NDST4: variants seen among roughly 807,000 people sequenced by gnomAD.
The protein encoded by NDST4 is N-heparan sulfate sulfotransferase 4.
Under a neutral mutation model 100.8 loss-of-function variants are expected in NDST4, and 63 were observed. That is an observed-to-expected ratio of 0.62 (90% CI 0.51 to 0.77). NDST4 has a LOEUF of 0.77. Among genes scored for constraint, NDST4 ranks in the 30% least tolerant of loss-of-function variants. NDST4 has a pLI of 0.00. For synonymous variants in NDST4, 377 were observed against 361.8 expected, an observed-to-expected ratio of 1.04 and a Z score of -0.48; for missense variants, 943 against 1,018.4, an observed-to-expected ratio of 0.93 and a Z score of 1.01.
rs1729206478 is a variant in NDST4, at chr4:115,077,150, C to T, written c.-114G>A. 15 of 997,906 alleles carry T rather than the reference C, an allele frequency of 1.5e-5. No homozygotes were observed. In the East Asian group the frequency reaches 3.9e-4, roughly 26 times the overall value. The allele number at this position is 997,906 out of a possible 1,614,324, so 61.8% of individuals were successfully genotyped here. Reference sequence around the variant, plus strand: ...TTCCCCAGAGTTCATGTAACCATCGCAAATCATGTAAAATGTTTGAAGGGA... The same window carrying T: ...TTCCCCAGAGTTCATGTAACCATCGTAAATCATGTAAAATGTTTGAAGGGA... On this transcript the variant is annotated 5_prime_UTR_variant, in exon 2 of 14. Coordinates refer to ENST00000264363, the MANE Select transcript of NDST4 (RefSeq NM_022569.3).
intron 10 of NDST4, among the ~76,000 whole-genome samples, chr4:114,841,871 C>T (rs1723434243): frequency 6.6e-6 from 1 of 152,048 alleles, no homozygotes; most frequent in Non-Finnish European, 1.5e-5. Context: ...AACTACTCGA[C>T]CTCCAGTTTG....
chr4:114,911,395 G>T (rs1278296636), intron 6 of NDST4, among the ~76,000 whole-genome samples: 1 of 152,076 alleles, frequency 6.6e-6, no homozygotes, highest in Non-Finnish European at 1.5e-5. Context: ...TTAGCTGTCT[G>T]CCAAACATTA....
chr4:114,860,341 T>C (rs1723892025), intron 7 of NDST4, among the ~76,000 whole-genome samples: 1 of 152,212 alleles, frequency 6.6e-6, no homozygotes, highest in African/African-American at 2.4e-5. Context: ...AACTATCTAT[T>C]CTTCACTTCT....
In NDST4 at chr4:115,076,472, C is replaced by G. The variant is rs776143732; in HGVS notation, c.565G>C (p.Ala189Pro). The G allele has an allele frequency of 1.9e-6, 3 of 1,613,764 alleles. No homozygotes were observed. Among genetic ancestry groups the G allele is most frequent in the African/African-American group, 1.3e-5 (1 of 74,882 alleles). ...GFPLNLFNNL[A>P]LKDCFVNPQS... ...GGGTTAACAAAACAGTCCTTTAGAG[C>G]TAGATTATTGAAAAGGTTTAACGGA... The change falls in exon 2 of 14, where the codon GCT becomes CCT. Residue 189 changes from alanine (A) to proline (P), a missense_variant. Ala to Pro is a conservative substitution (Grantham distance 27, BLOSUM62 -1). Around this residue, in one of 2 missense-constraint regions of NDST4, gnomAD observed 417 missense variants for 384.2 expected, o/e 1.09. Transcript: ENST00000264363.
chr4:115,101,571 T>C (rs1046766365), intron 1 of NDST4, among the ~76,000 whole-genome samples: 70 of 152,172 alleles, frequency 4.6e-4, no homozygotes, highest in African/African-American at 1.5e-3. Context: ...ATATTTGTGA[T>C]AAAAGCTGAA....
At chr4:115,064,077 T>C (rs537774691) in intron 2 of NDST4, among the ~76,000 whole-genome samples, 1 of 152,134 alleles carries the variant, frequency 6.6e-6, no homozygotes, top group Admixed American at 6.6e-5. Context: ...ATTTAGGCAA[T>C]GTCCAATTTT....
In NDST4 at chr4:114,845,888, C is replaced by A; in HGVS notation, c.2050G>T (p.Val684Phe). The change falls in exon 10 of 14, where the codon GTC becomes TTC. Residue 684 changes from valine to phenylalanine, a missense_variant. By Grantham distance (50) the Val-to-Phe change is conservative (BLOSUM62 -1). Coordinates refer to ENST00000264363, the MANE Select transcript of NDST4 (RefSeq NM_022569.3). ...EEAPRRAASL[V>F]PKAKIITILI... ...ATGGTGATGATCTTGGCTTTGGGGACAAGAGATGCGGCTCGTCTTGGAGCT... is the reference window on the plus strand; with the variant it reads ...ATGGTGATGATCTTGGCTTTGGGGAAAAGAGATGCGGCTCGTCTTGGAGCT... 6.2e-7 allele frequency: 1 copy of A among 1,613,986 alleles called. No homozygotes were observed. Among genetic ancestry groups the A allele is most frequent in the South Asian group, 1.1e-5 (1 of 91,078 alleles).
intron 4 of NDST4, among the ~76,000 whole-genome samples, chr4:114,967,326 A>T (rs1388181101): frequency 1.3e-5 from 2 of 152,102 alleles, no homozygotes; most frequent in Non-Finnish European, 2.9e-5. Context: ...AAAATACAAT[A>T]AGATTTTTTA....
intron 9 of NDST4, among the ~76,000 whole-genome samples, chr4:114,847,049 C>T (rs1723564548): frequency 6.6e-6 from 1 of 152,070 alleles, no homozygotes; most frequent in African/African-American, 2.4e-5. Context: ...GGTGTTGCAC[C>T]TGCCCAACCC....
At chr4:115,059,950 C>T (rs1728783749) in intron 2 of NDST4, among the ~76,000 whole-genome samples, 1 of 151,756 alleles carries the variant, frequency 6.6e-6, no homozygotes, top group African/African-American at 2.4e-5. Context: ...AGGATTATTC[C>T]CACTAAACCT....
chr4:115,015,488 C>A (rs1055649298), intron 2 of NDST4, among the ~76,000 whole-genome samples: 2 of 151,812 alleles, frequency 1.3e-5, no homozygotes, highest in African/African-American at 4.8e-5. Flanking sequence ...TGGTCTGTGG[C>A]CAATGGTGTT....
chr4:115,020,589 A>C (rs1295891202), intron 2 of NDST4, among the ~76,000 whole-genome samples: 2 of 152,158 alleles, frequency 1.3e-5, no homozygotes, highest in Admixed American at 1.3e-4. Flanking sequence ...TTTGCATGGC[A>C]GGAGGAACAG....
chr4:114,883,496 T>G (rs2126202532), intron 6 of NDST4, among the ~76,000 whole-genome samples: 1 of 152,224 alleles, frequency 6.6e-6, no homozygotes, highest in South Asian at 2.1e-4. Context: ...TGGAATTCTA[T>G]GCAATGTTCA....
At position 115,096,916 on chromosome 4, in the gene NDST4, T is replaced by A. The variant is rs58525957; in HGVS notation, c.-247+16528A>T. 3.0e-3 allele frequency among the ~76,000 whole-genome samples: 464 copies of A among 152,182 alleles called. 1 individual carries two copies. The highest frequency in any genetic ancestry group is 0.011 in the African/African-American group (450 of 41,550). On this transcript the variant is annotated intron_variant, in intron 1 of 13. Coordinates refer to ENST00000264363, the MANE Select transcript of NDST4 (RefSeq NM_022569.3). The stretch of plus-strand genomic sequence containing the variant: ...CACCAATAAACTTCACGTTGTAAAA[T>A]CCATTTATCAATTTTTGCTCCTCAT...
At chr4:115,047,644 G>A (rs1212038160) in intron 2 of NDST4, among the ~76,000 whole-genome samples, 2 of 151,922 alleles carry the variant, frequency 1.3e-5, no homozygotes, top group Non-Finnish European at 2.9e-5. Context: ...TAATAATGAG[G>A]ATGGCCTTTG....
intron 2 of NDST4, among the ~76,000 whole-genome samples, chr4:115,012,304 G>A (rs945703610): frequency 6.6e-6 from 1 of 151,850 alleles, no homozygotes; most frequent in African/African-American, 2.4e-5. Context: ...TGATATATGG[G>A]AGCTTTCATT....
intron 2 of NDST4, among the ~76,000 whole-genome samples, chr4:115,029,351 G>A (rs187304752): frequency 1.1e-4 from 16 of 152,184 alleles, no homozygotes; most frequent in African/African-American, 3.8e-4. Context: ...TGGGATTGTG[G>A]CACAGGTTAA....
At chr4:115,108,440 CT>C (rs1161690175) in intron 1 of NDST4, among the ~76,000 whole-genome samples, 1 of 151,946 alleles carries the variant, frequency 6.6e-6, no homozygotes, top group African/African-American at 2.4e-5. Flanking sequence ...TCCCTTCTCT[CT>C]TTTTCTTCCA....
At chr4:114,957,113 CAAAT>C (rs1401414540) in intron 4 of NDST4, among the ~76,000 whole-genome samples, 1 of 152,000 alleles carries the variant, frequency 6.6e-6, no homozygotes, top group Non-Finnish European at 1.5e-5. Context: ...AATAAAGAGT[CAAAT>C]AAAAATTCTA....
Sources: allele counts gnomAD v4.1 joint callset (sites outside exome capture counted in the v4.1 genomes callset), GRCh38; gene constraint gnomAD v4.1.1; regional missense constraint gnomAD v4.1.1; transcripts MANE v1.5; gene names NCBI Gene and HGNC (gene_info 2026-07-23, HGNC 2026-07-21).